The following DNAH5 variants were observed in gnomAD, a reference collection of about 807,000 sequenced individuals.
DNAH5 encodes axonemal beta dynein heavy chain 5.
DNAH5 carries 372 observed loss-of-function variants against 518.2 expected under a neutral mutation model. The ratio of observed to expected loss-of-function variants is 0.72; its 90% CI spans 0.66 to 0.78. The LOEUF is 0.78. Ranked by LOEUF, DNAH5 falls within the 30% of genes least tolerant of loss-of-function variation. The pLI is 0.00. For missense variants in DNAH5, 5,523 were observed against 5,687.0 expected (o/e 0.97, Z 0.93); for synonymous variants, 2,039 against 2,025.9 (o/e 1.01, Z -0.17).
At chr5:13,785,626 A>G (rs1441782264) in intron 52 of DNAH5, among the ~76,000 whole-genome samples, 1 of 152,146 alleles carries the variant, frequency 6.6e-6, no homozygotes, top group East Asian at 1.9e-4. Context: ...AATGCTTTTC[A>G]TCTTGCAAAA....
At chr5:13,835,292 A>C (rs1236270402) in intron 35 of DNAH5, among the ~76,000 whole-genome samples, 1 of 152,058 alleles carries the variant, frequency 6.6e-6, no homozygotes, top group Non-Finnish European at 1.5e-5. Context: ...AAAAAAAAAT[A>C]GTAGTAATGA....
rs548575803 is a variant in DNAH5, at chr5:13,745,190, T to C, written c.11211+5888A>G. On this transcript the variant is annotated intron_variant, in intron 65 of 78. Transcript: ENST00000265104. ...TTTTTTAAGTTTCCATTTTATTCTC[T>C]ATGATCAAAGTGAGAGTGAGTCTAA... is the stretch of plus-strand genomic sequence containing the variant. 2.0e-5 allele frequency among the ~76,000 whole-genome samples: 3 copies of C among 152,188 alleles called. No individual in the cohort carries two copies. In the East Asian group the frequency reaches 5.8e-4, roughly 29 times the overall value.
intron 62 of DNAH5, 36 bp from the exon 63 acceptor site, chr5:13,753,585 C>T (rs377219424): frequency 9.1e-6 from 14 of 1,540,990 alleles, no homozygotes; most frequent in South Asian, 5.7e-5. Flanking sequence ...AAATACTTTA[C>T]GTTCATCCGT....
chr5:13,940,262 G>A (rs1483838978), intron 1 of DNAH5, among the ~76,000 whole-genome samples: 4 of 151,888 alleles, frequency 2.6e-5, no homozygotes, highest in African/African-American at 4.8e-5. Context: ...GTGAGATCTG[G>A]TGGACCTTCA....
intron 30 of DNAH5, among the ~76,000 whole-genome samples, chr5:13,857,508 A>T (rs4441874): frequency 0.062 from 9,408 of 152,264 alleles, 309 homozygotes; most frequent in African/African-American, 0.079. Flanking sequence ...ATTAGAAAAA[A>T]CTACTTTAAA....
intron 35 of DNAH5, among the ~76,000 whole-genome samples, chr5:13,835,666 T>C (rs1264186189): frequency 6.6e-6 from 1 of 152,150 alleles, no homozygotes; most frequent in Non-Finnish European, 1.5e-5. Flanking sequence ...CCCTAAGCCC[T>C]ATGCAAATCA....
chr5:13,791,720 A>G (rs1757019671), intron 50 of DNAH5, among the ~76,000 whole-genome samples: 1 of 152,196 alleles, frequency 6.6e-6, no homozygotes, highest in South Asian at 2.1e-4. Context: ...AACTGGGAAA[A>G]TAAATCAATT....
rs560697954 is a variant in DNAH5, at chr5:13,746,818, T to C, written c.11211+4260A>G. On this transcript the variant is annotated intron_variant, in intron 65 of 78. Transcript: ENST00000265104. Reference sequence around the variant, plus strand: ...TTTTTCTATAAAATATCAATAATTGTCCTTTGAATAAATTTCTAGCAGAAA... The same window carrying C: ...TTTTTCTATAAAATATCAATAATTGCCCTTTGAATAAATTTCTAGCAGAAA... Among the ~76,000 whole-genome samples the C allele has an allele frequency of 5.3e-5, 8 of 152,198 alleles. No homozygotes were observed. The East Asian group carries it at 1.5e-3, about 29-fold the overall frequency.
At chr5:13,889,630 G>A (rs1450542394) in intron 17 of DNAH5, among the ~76,000 whole-genome samples, 1 of 152,194 alleles carries the variant, frequency 6.6e-6, no homozygotes, top group Non-Finnish European at 1.5e-5. Flanking sequence ...CCTTCTGGGA[G>A]TCTGGAATTC....
chr5:13,855,835 A>C (rs1310173029), intron 30 of DNAH5, among the ~76,000 whole-genome samples: 1 of 152,250 alleles, frequency 6.6e-6, no homozygotes, highest in Admixed American at 6.5e-5. Flanking sequence ...ACTCAAGATT[A>C]AGAAACTCAC....
chr5:13,951,908 C>G (rs1220496974), intron 1 of DNAH5, among the ~76,000 whole-genome samples: 1 of 152,208 alleles, frequency 6.6e-6, no homozygotes, highest in East Asian at 1.9e-4. Flanking sequence ...TTTAGGTCCT[C>G]TTTGCTTTTC....
chr5:13,933,756 C>T (rs1580957187), intron 1 of DNAH5, among the ~76,000 whole-genome samples: 2 of 147,220 alleles, frequency 1.4e-5, no homozygotes, highest in South Asian at 4.3e-4. Flanking sequence ...CACCATTGCA[C>T]TCCAGCCTGG....
chr5:13,970,741 G>C (rs1781807877), intron 1 of DNAH5, among the ~76,000 whole-genome samples: 1 of 152,096 alleles, frequency 6.6e-6, no homozygotes, highest in African/African-American at 2.4e-5. Flanking sequence ...CTTGTCTTTA[G>C]ATAACCTGAC....
chr5:13,913,719 A>C, intron 11 of DNAH5, 24 bp downstream of exon 11: 1 of 1,612,408 alleles, frequency 6.2e-7, no homozygotes, highest in Non-Finnish European at 8.5e-7. Context: ...TTATGTTATA[A>C]AATATAGCTT....
chr5:13,894,614 A>G, intron 16 of DNAH5, 36 bp downstream of exon 16: 10 of 1,606,508 alleles, frequency 6.2e-6, no homozygotes, highest in Non-Finnish European at 8.5e-6. Context: ...CTCAGCCTTT[A>G]GAATTCAGAA....
At chr5:13,693,864 C>G (rs941965860) in intron 78 of DNAH5, among the ~76,000 whole-genome samples, 40 of 152,178 alleles carry the variant, frequency 2.6e-4, no homozygotes, top group African/African-American at 9.4e-4. Context: ...ATTTTTAAGT[C>G]TGAGTGTAAT....
chr5:13,718,831 A>T (rs1420123338), intron 72 of DNAH5, 51 bp downstream of exon 72: 5 of 1,478,780 alleles, frequency 3.4e-6, no homozygotes, highest in Non-Finnish European at 4.7e-6. Context: ...TTTTAGGAAA[A>T]CAATTTAAGT....
intron 31 of DNAH5, among the ~76,000 whole-genome samples, chr5:13,849,238 G>A (rs990677576): frequency 6.6e-6 from 1 of 152,140 alleles, no homozygotes; most frequent in African/African-American, 2.4e-5. Context: ...CTGCATTCTT[G>A]TCAGGGTTTA....
Position 13,708,160 on chromosome 5 carries a change from C to T in DNAH5, c.13301G>A (p.Cys4434Tyr), listed in dbSNP as rs770466215. The T allele has an allele frequency of 2.5e-6, 4 of 1,614,066 alleles. No individual in the cohort carries two copies. The highest frequency in any genetic ancestry group is 2.7e-5 in the African/African-American group (2 of 74,924). The change falls in exon 76 of 79, where the codon TGC becomes TAC. Residue 4434 changes from cysteine to tyrosine, a missense_variant. Physicochemically the swap from Cys to Tyr is radical, Grantham distance 194. Transcript: ENST00000265104. Reference sequence around the variant, plus strand: ...AGCAGGGATTCTAGCATCAAACATGCAATCCAATGCATCTCGCAGATTTTC... The same window carrying T: ...AGCAGGGATTCTAGCATCAAACATGTAATCCAATGCATCTCGCAGATTTTC... Reference protein sequence around the residue: ...MSENLRDALDCMFDARIPAWW... With the variant: ...MSENLRDALDYMFDARIPAWW...
Sources: allele counts gnomAD v4.1 joint callset (sites outside exome capture counted in the v4.1 genomes callset), GRCh38; gene constraint gnomAD v4.1.1; transcripts MANE v1.5; gene names NCBI Gene and HGNC (gene_info 2026-07-23, HGNC 2026-07-21).